UPP1: variants seen among roughly 807,000 people sequenced by gnomAD.
UPP1 encodes uridine phosphorylase 1.
In UPP1, 25 loss-of-function variants were observed where a neutral mutation model predicts 29.6. The observed-to-expected ratio is 0.85, with a 90% CI of 0.62 to 1.18. UPP1 has a LOEUF of 1.18. Ranked by LOEUF, UPP1 falls within the 50% of genes most tolerant of loss-of-function variation. The pLI is 0.00. For synonymous variants in UPP1, 165 were observed against 159.8 expected (o/e 1.03, Z -0.25); for missense variants, 368 against 410.4 (o/e 0.90, Z 0.89).
intron 3 of UPP1, among the ~76,000 whole-genome samples, chr7:48,098,207 T>C (rs1295255804): frequency 6.6e-6 from 1 of 152,182 alleles, no homozygotes; most frequent in Non-Finnish European, 1.5e-5. Context: ...CTTTCTGAAA[T>C]GTTCAGGTGT....
intron 6 of UPP1, among the ~76,000 whole-genome samples, chr7:48,104,144 G>C (rs1309474713): frequency 1.3e-5 from 2 of 152,050 alleles, no homozygotes; most frequent in Non-Finnish European, 2.9e-5. Context: ...CTTGAACCCG[G>C]GAGGCGGAGG....
chr7:48,098,423 T>C lies in UPP1; in HGVS notation c.45-1247T>C, dbSNP rs375564319. Among the ~76,000 whole-genome samples the C allele has an allele frequency of 7.9e-5, 12 of 152,206 alleles. No individual in the cohort carries two copies. The East Asian group carries it at 1.7e-3, about 22-fold the overall frequency. Reference sequence around the variant, plus strand: ...TCAACCTTGTTTTTCTTGTCTGTGGTGTGTTACGTGGGATTCAGAGATATA... The same window carrying C: ...TCAACCTTGTTTTTCTTGTCTGTGGCGTGTTACGTGGGATTCAGAGATATA... On this transcript the variant is annotated intron_variant, in intron 3 of 8. Transcript: ENST00000395564.
intron 6 of UPP1, chr7:48,106,501 G>T (rs1792746844): frequency 4.5e-6 from 1 of 223,270 alleles, no homozygotes; most frequent in African/African-American, 2.2e-5. Context: ...AGTAGAGATG[G>T]GGTCTCACCA....
chr7:48,107,260 G>A, intron 7 of UPP1, 101 bp from the exon 8 acceptor site: 1 of 1,477,626 alleles, frequency 6.8e-7, no homozygotes, highest in Non-Finnish European at 9.3e-7. Flanking sequence ...GACCTGGATG[G>A]GTCTTGCTTG....
intron 5 of UPP1, among the ~76,000 whole-genome samples, chr7:48,102,659 G>T (rs866762813): frequency 3.3e-5 from 5 of 152,172 alleles, no homozygotes; most frequent in Admixed American, 1.3e-4. Context: ...ACCGATTCTA[G>T]CAGGGATGCC....
chr7:48,106,573 A>G, intron 6 of UPP1: 1 of 329,004 alleles, frequency 3.0e-6, no homozygotes, highest in Admixed American at 4.0e-5. Context: ...GGCCTCCCAA[A>G]GTGCTTGGGA....
At chr7:48,107,600 C>A in intron 8 of UPP1, 93 bp downstream of exon 8, 1 of 1,420,926 alleles carries the variant, frequency 7.0e-7, no homozygotes, top group Non-Finnish European at 9.4e-7. Context: ...CTGGGGCACC[C>A]CGATACCCAT....
chr7:48,095,853 G>C (rs764331018), intron 3 of UPP1, among the ~76,000 whole-genome samples: 7 of 152,076 alleles, frequency 4.6e-5, no homozygotes, highest in Admixed American at 1.3e-4. Context: ...CACCATGTTG[G>C]CCAGGCTGGT....
In UPP1 at chr7:48,093,379, T is replaced by C. The variant is rs112740873; in HGVS notation, c.-21-1384T>C. The stretch of plus-strand genomic sequence containing the variant: ...TGTGGTGGAAACAACTGGCTTGACC[T>C]CAGGAAAGCAGCTTCACTTCACAGA... On this transcript the variant is annotated intron_variant, in intron 2 of 8. Transcript: ENST00000395564. 6.0e-3 allele frequency among the ~76,000 whole-genome samples: 910 copies of C among 152,334 alleles called. 4 individuals are homozygous for C. Among genetic ancestry groups the C allele is most frequent in the Middle Eastern group, 0.044 (13 of 294 alleles).
At chr7:48,101,761 C>T (rs1792433451) in intron 4 of UPP1, 63 bp from the exon 5 acceptor site, 1 of 1,546,132 alleles carries the variant, frequency 6.5e-7, no homozygotes, top group South Asian at 1.2e-5. Context: ...GGTCTAGGGG[C>T]CCCACTTGAG....
At chr7:48,102,761 G>A (rs79712887) in intron 5 of UPP1, among the ~76,000 whole-genome samples, 5 of 152,150 alleles carry the variant, frequency 3.3e-5, no homozygotes, top group Admixed American at 6.5e-5. Flanking sequence ...ACTAGGGGGG[G>A]TGCTCTGAAG....
In UPP1 at chr7:48,099,759, A is replaced by G. The variant is rs1270849272; in HGVS notation, c.134A>G (p.Asn45Ser). 6.2e-6 allele frequency: 10 copies of G among 1,613,006 alleles called. No homozygotes were observed. Among genetic ancestry groups the G allele is most frequent in the African/African-American group, 1.3e-5 (1 of 74,908 alleles). ...TTCAATCTCACCACTAGCAGACACA[A>G]TTTCCCAGCCTTGTTTGGAGATGTG... ...YHFNLTTSRH[N>S]FPALFGDVKF... is the part of the protein sequence containing the mutation. The change falls in exon 4 of 9, where the codon AAT (asparagine) becomes AGT (serine). Residue 45 changes from asparagine (N) to serine (S), a missense_variant. Coordinates refer to ENST00000395564, the MANE Select transcript of UPP1 (RefSeq NM_003364.4).
intron 6 of UPP1, chr7:48,104,648 T>A (rs542740628): frequency 5.9e-5 from 9 of 152,348 alleles, no homozygotes; most frequent in Admixed American, 1.3e-4. Flanking sequence ...CTCTTTTCTT[T>A]TTGTTATATA....
chr7:48,093,613 C>G (rs529418104), intron 2 of UPP1, among the ~76,000 whole-genome samples: 14 of 152,218 alleles, frequency 9.2e-5, no homozygotes, highest in Non-Finnish European at 1.6e-4. Flanking sequence ...CAAAACCCTG[C>G]CCTTCTCCAC....
chr7:48,102,040 A>C (rs1035532305), intron 5 of UPP1, 58 bp downstream of exon 5: 1 of 1,551,314 alleles, frequency 6.4e-7, no homozygotes, highest in African/African-American at 1.4e-5. Flanking sequence ...CCTGTGCCCC[A>C]CCCCTCTGCA....
chr7:48,095,073 C>A (rs1792056231), intron 3 of UPP1, among the ~76,000 whole-genome samples: 1 of 152,200 alleles, frequency 6.6e-6, no homozygotes, highest in African/African-American at 2.4e-5. Context: ...GAAAACCAGA[C>A]AAGTCCCTGC....
At chr7:48,098,564 A>G (rs940664327) in intron 3 of UPP1, among the ~76,000 whole-genome samples, 5 of 152,286 alleles carry the variant, frequency 3.3e-5, no homozygotes, top group African/African-American at 9.6e-5. Flanking sequence ...GTGGGGAGAG[A>G]ATGGACAATG....
Position 48,106,995 on chromosome 7 carries a change from G to A in UPP1, c.559G>A (p.Val187Met), listed in dbSNP as rs765894463. 1 of 1,613,096 alleles carries A rather than the reference G, an allele frequency of 6.2e-7. No homozygotes were observed. Among genetic ancestry groups the A allele is most frequent in the Non-Finnish European group, 8.5e-7 (1 of 1,179,976 alleles). Residue 187 changes from valine (V) to methionine (M), a missense_variant, in exon 7 of 9, where the codon GTG becomes ATG. By Grantham distance (21) the Val-to-Met change is conservative. Coordinates refer to ENST00000395564, the MANE Select transcript of UPP1 (RefSeq NM_003364.4). The part of the protein sequence containing the change: ...IRKTDLNKKL[V>M]QELLLCSAEL... ...GAAAACGGACCTTAACAAGAAGCTG[G>A]TGCAGGAGCTGTTGCTGTGTTCTGC...
At chr7:48,093,819 C>T (rs1460062256) in intron 2 of UPP1, among the ~76,000 whole-genome samples, 1 of 152,078 alleles carries the variant, frequency 6.6e-6, no homozygotes, top group Non-Finnish European at 1.5e-5. Context: ...TTTTACCCAT[C>T]TTTGACCCAA....
Sources: gnomAD v4.1 joint callset for allele counts (sites outside exome capture counted in the v4.1 genomes callset) on GRCh38, gnomAD v4.1.1 for gene constraint, MANE v1.5 for transcripts, NCBI Gene and HGNC (gene_info 2026-07-23, HGNC 2026-07-21) for gene names.